KIF18A: variants seen among roughly 807,000 people sequenced by gnomAD.
The protein encoded by KIF18A is kinesin-like protein KIF18A.
KIF18A carries 67 observed loss-of-function variants against 103.3 expected under a neutral mutation model. That is an observed-to-expected ratio of 0.65 (90% CI 0.53 to 0.79). The LOEUF (loss-of-function observed/expected upper bound fraction) is 0.79, where lower values mean the gene tolerates loss of function less well. Among genes scored for constraint, KIF18A ranks in the 30% least tolerant of loss-of-function variants. The pLI is 0.00. For synonymous variants in KIF18A, 367 were observed against 355.5 expected (o/e 1.03, Z -0.36); for missense variants, 1,032 against 1,062.5 (o/e 0.97, Z 0.40).
In KIF18A at chr11:28,023,741, C is replaced by G. The variant is rs1474310873; in HGVS notation, c.2614G>C (p.Glu872Gln). Residue 872 changes from glutamate to glutamine, a missense_variant and splice_region_variant, in exon 16 of 17, where the codon GAA becomes CAA. By Grantham distance (29) the Glu-to-Gln change is conservative. Coordinates refer to ENST00000263181, the MANE Select transcript of KIF18A (RefSeq NM_031217.4). ...TATCAAATTAAAAGCTGAGACATACCCATTGTTGGTTTGTTTTCTTGTAAG... is the reference window on the plus strand; with the variant it reads ...TATCAAATTAAAAGCTGAGACATACGCATTGTTGGTTTGTTTTCTTGTAAG... ...KHLQENKPTM[E>Q]HKRNICKINP... is the part of the protein sequence containing the mutation. 2 of 1,541,282 alleles carry G rather than the reference C, an allele frequency of 1.3e-6. No homozygotes were observed. The highest frequency in any genetic ancestry group is 1.8e-6 in the Non-Finnish European group (2 of 1,114,784).
At chr11:28,087,878 G>A (rs1269197956) in intron 6 of KIF18A, among the ~76,000 whole-genome samples, 2 of 152,036 alleles carry the variant, frequency 1.3e-5, no homozygotes, top group African/African-American at 4.8e-5. Flanking sequence ...TAAAGCTTTC[G>A]AGTATGGTTT....
rs1409397586 is a variant in KIF18A, at chr11:28,090,710, T to C, written c.606A>G (p.Glu202=). The stretch of plus-strand genomic sequence containing the variant: ...TTCCATTATCCAATAAATGTAAAAT[T>C]TCTTCTGAGGATTTGGGCTGGAGAA... ...LTLHQPKSSE[E]ILHLLDNGNK... is the part of the protein sequence containing the mutation. Residue 202 remains glutamate, a synonymous_variant, in exon 5 of 17, where the codon GAA becomes GAG. Transcript: ENST00000263181. 11 of 1,601,130 alleles carry C rather than the reference T, an allele frequency of 6.9e-6. No individual in the cohort carries two copies. Among genetic ancestry groups the C allele is most frequent in the Non-Finnish European group, 9.4e-6 (11 of 1,169,372 alleles).
chr11:28,026,685 A>C (rs1178904321), intron 15 of KIF18A, among the ~76,000 whole-genome samples: 1 of 151,856 alleles, frequency 6.6e-6, no homozygotes, highest in African/African-American at 2.4e-5. Flanking sequence ...ATAATAGCTA[A>C]GTTCATATTT....
intron 12 of KIF18A, among the ~76,000 whole-genome samples, chr11:28,060,364 T>C (rs1355346232): frequency 1.3e-5 from 2 of 152,150 alleles, no homozygotes; most frequent in African/African-American, 4.8e-5. Context: ...TAATCGGGCA[T>C]TCACTTTCAT....
At position 28,059,058 on chromosome 11, in the gene KIF18A, G is replaced by A. The variant is rs1850824056; in HGVS notation, c.1816C>T (p.His606Tyr). 1 of 1,613,988 alleles carries A rather than the reference G, an allele frequency of 6.2e-7. No homozygotes were observed. Among genetic ancestry groups the A allele is most frequent in the Non-Finnish European group, 8.5e-7 (1 of 1,179,948 alleles). The change falls in exon 13 of 17, where the codon CAT (histidine) becomes TAT (tyrosine). Residue 606 changes from histidine to tyrosine, a missense_variant. By Grantham distance (83) the His-to-Tyr change is moderately conservative (BLOSUM62 2). Coordinates refer to ENST00000263181, the MANE Select transcript of KIF18A (RefSeq NM_031217.4). ...AFESDFKEIEHLVERKKVVVW... is the reference protein window; with the variant it reads ...AFESDFKEIEYLVERKKVVVW... ...ACCACTTTTTTCCTCTCTACCAAAT[G>A]TTCGATCTCTTTGAAGTCAGATTCA...
At chr11:28,045,935 A>G (rs1466629674) in intron 13 of KIF18A, among the ~76,000 whole-genome samples, 2 of 151,756 alleles carry the variant, frequency 1.3e-5, no homozygotes, top group Non-Finnish European at 2.9e-5. Context: ...CAAAAAACAC[A>G]TGAAAAAATG....
intron 13 of KIF18A, among the ~76,000 whole-genome samples, chr11:28,056,346 A>C (rs1039727303): frequency 2.5e-4 from 38 of 152,068 alleles, no homozygotes; most frequent in African/African-American, 9.2e-4. Flanking sequence ...AATTTTATGG[A>C]TTTAAGGATC....
intron 6 of KIF18A, among the ~76,000 whole-genome samples, chr11:28,085,101 G>C (rs1851210518): frequency 6.6e-6 from 1 of 152,106 alleles, no homozygotes; most frequent in Non-Finnish European, 1.5e-5. Flanking sequence ...AATAACCGGC[G>C]GGTATGGGGT....
chr11:28,087,730 C>T (rs1299106311), intron 6 of KIF18A, among the ~76,000 whole-genome samples: 3 of 152,104 alleles, frequency 2.0e-5, no homozygotes, highest in African/African-American at 7.2e-5. Context: ...CCTATTTCTC[C>T]ACATCCTCTC....
intron 11 of KIF18A, among the ~76,000 whole-genome samples, chr11:28,064,041 A>C (rs141391253): frequency 6.6e-6 from 1 of 151,492 alleles, no homozygotes; most frequent in Admixed American, 6.6e-5. Context: ...CACTCATCCT[A>C]TTTATATATT....
At chr11:28,054,192 A>G in intron 13 of KIF18A, among the ~76,000 whole-genome samples, 1 of 152,154 alleles carries the variant, frequency 6.6e-6, no homozygotes. Context: ...GACTATATTC[A>G]TTATAGTTAA....
intron 13 of KIF18A, among the ~76,000 whole-genome samples, chr11:28,053,859 A>G (rs1000252411): frequency 2.6e-5 from 4 of 151,896 alleles, no homozygotes; most frequent in African/African-American, 9.7e-5. Context: ...GCTTATATAC[A>G]TGTTTGTAAT....
intron 1 of KIF18A, among the ~76,000 whole-genome samples, chr11:28,101,739 A>T (rs868400566): frequency 6.6e-6 from 1 of 152,218 alleles, no homozygotes; most frequent in Non-Finnish European, 1.5e-5. Context: ...TAAAGGTATA[A>T]CTGTGACAAG....
At position 28,066,275 on chromosome 11, in the gene KIF18A, C is replaced by G. The variant is rs146164842; in HGVS notation, c.1590+2984G>C. 3.4e-3 allele frequency among the ~76,000 whole-genome samples: 511 copies of G among 152,006 alleles called. 6 individuals are homozygous for G. Among genetic ancestry groups the G allele is most frequent in the African/African-American group, 0.012 (493 of 41,514 alleles). On this transcript the variant is annotated intron_variant, in intron 11 of 16. Coordinates refer to ENST00000263181, the MANE Select transcript of KIF18A (RefSeq NM_031217.4). ...CAACATTCCACACCTGCTACCAATC[C>G]AAGAGAATCAACTCTTGTGTATTAA...
chr11:28,096,895 T>TA (rs1851383101), intron 2 of KIF18A, among the ~76,000 whole-genome samples: 1 of 150,950 alleles, frequency 6.6e-6, no homozygotes, highest in African/African-American at 2.4e-5. Flanking sequence ...TTTTTTTTTT[T>TA]AAAAAGGAAA....
intron 13 of KIF18A, among the ~76,000 whole-genome samples, chr11:28,040,455 A>C (rs1276565734): frequency 6.6e-6 from 1 of 151,722 alleles, no homozygotes; most frequent in Non-Finnish European, 1.5e-5. Flanking sequence ...ATAGAGTAGA[A>C]GTGATAAGAA....
At chr11:28,060,783 G>A (rs531660485) in intron 12 of KIF18A, among the ~76,000 whole-genome samples, 9 of 152,134 alleles carry the variant, frequency 5.9e-5, no homozygotes, top group Non-Finnish European at 1.3e-4. Flanking sequence ...GAAAAGTCTG[G>A]AATTTTGATA....
chr11:28,024,974 T>C (rs573842399), intron 15 of KIF18A, among the ~76,000 whole-genome samples: 2 of 152,188 alleles, frequency 1.3e-5, no homozygotes, highest in African/African-American at 2.4e-5. Flanking sequence ...TGATAAAGTT[T>C]AAATTATAAA....
intron 7 of KIF18A, 50 bp downstream of exon 7, chr11:28,084,582 A>T (rs1021714578): frequency 3.6e-6 from 5 of 1,375,710 alleles, no homozygotes; most frequent in Non-Finnish European, 5.0e-6. Context: ...AATTATAAAA[A>T]TCATATGCAG....
Sources: allele counts gnomAD v4.1 joint callset (sites outside exome capture counted in the v4.1 genomes callset), GRCh38; gene constraint gnomAD v4.1.1; transcripts MANE v1.5; gene names NCBI Gene and HGNC (gene_info 2026-07-23, HGNC 2026-07-21).